Variants in LHFPL6 observed in about 807,000 individuals in gnomAD.
LHFPL6 encodes LHFPL tetraspan subfamily member 6 protein.
A neutral mutation model predicts 20.6 loss-of-function variants in LHFPL6; 9 were observed. That is an observed-to-expected ratio of 0.44 (90% CI 0.26 to 0.76). The LOEUF (loss-of-function observed/expected upper bound fraction) is 0.76, where lower values mean the gene tolerates loss of function less well. Ranked by LOEUF, LHFPL6 falls within the 30% of genes least tolerant of loss-of-function variation. The pLI is 0.20. For synonymous variants in LHFPL6, 105 were observed against 98.7 expected (o/e 1.06, Z -0.38); for missense variants, 218 against 253.5 (o/e 0.86, Z 0.95).
chr13:39,468,827 G>T (rs756948571), intron 2 of LHFPL6, among the ~76,000 whole-genome samples: 11 of 151,786 alleles, frequency 7.2e-5, no homozygotes, highest in Non-Finnish European at 1.5e-4. Context: ...GGGAATTAAG[G>T]TTATGGTCAG....
At chr13:39,467,327 G>C (rs1211276533) in intron 2 of LHFPL6, among the ~76,000 whole-genome samples, 1 of 152,106 alleles carries the variant, frequency 6.6e-6, no homozygotes, top group Non-Finnish European at 1.5e-5. Flanking sequence ...GTGAATGAAT[G>C]AATCAATCTC....
At chr13:39,486,784 G>A (rs1299970781) in intron 2 of LHFPL6, among the ~76,000 whole-genome samples, 1 of 152,238 alleles carries the variant, frequency 6.6e-6, no homozygotes, top group Non-Finnish European at 1.5e-5. Flanking sequence ...AAGAAAAACA[G>A]TGTAGTTCCT....
At chr13:39,465,863 G>A (rs541956847) in intron 2 of LHFPL6, among the ~76,000 whole-genome samples, 3 of 152,166 alleles carry the variant, frequency 2.0e-5, no homozygotes, top group African/African-American at 7.2e-5. Context: ...GAGTCTAGCA[G>A]CAGCTAGCAA....
At chr13:39,513,940 A>G (rs1869813005) in intron 2 of LHFPL6, among the ~76,000 whole-genome samples, 1 of 152,148 alleles carries the variant, frequency 6.6e-6, no homozygotes, top group African/African-American at 2.4e-5. Context: ...CCAGTCAAAA[A>G]AATTGATGAG....
intron 2 of LHFPL6, among the ~76,000 whole-genome samples, chr13:39,546,189 A>G (rs17060216): frequency 0.03 from 4,616 of 152,204 alleles, 203 homozygotes; most frequent in African/African-American, 0.089. Flanking sequence ...GAGATTAGAT[A>G]TAAGAAATTT....
chr13:39,365,006 C>T (rs1869974204), intron 3 of LHFPL6, among the ~76,000 whole-genome samples: 1 of 152,176 alleles, frequency 6.6e-6, no homozygotes, highest in African/African-American at 2.4e-5. Context: ...GACACAGAAT[C>T]TGATCTCCAG....
intron 2 of LHFPL6, among the ~76,000 whole-genome samples, chr13:39,507,806 T>C (rs532182516): frequency 1.3e-5 from 2 of 152,134 alleles, no homozygotes; most frequent in East Asian, 3.9e-4. Flanking sequence ...GGCTATGCAG[T>C]TTATCCACAG....
At chr13:39,476,422 C>T (rs561387336) in intron 2 of LHFPL6, among the ~76,000 whole-genome samples, 1 of 152,258 alleles carries the variant, frequency 6.6e-6, no homozygotes, top group East Asian at 1.9e-4. Context: ...AATTAAATTA[C>T]ACAGATACTA....
rs566882215 is a variant in LHFPL6, at chr13:39,410,101, T to C, written c.386-31575A>G. 1.8e-3 allele frequency among the ~76,000 whole-genome samples: 279 copies of C among 152,306 alleles called. 2 individuals are homozygous for C. Among genetic ancestry groups the C allele is most frequent in the African/African-American group, 6.5e-3 (271 of 41,562 alleles). On this transcript the variant is annotated intron_variant, in intron 2 of 3. Transcript: ENST00000379589. ...CTCATTTGTAAATCATGTGTTAAAA[T>C]TGTCTACCTACCTTCATTATACATC... is the stretch of plus-strand genomic sequence containing the variant.
At chr13:39,505,923 A>G (rs1869461815) in intron 2 of LHFPL6, among the ~76,000 whole-genome samples, 1 of 152,182 alleles carries the variant, frequency 6.6e-6, no homozygotes, top group South Asian at 2.1e-4. Context: ...GCCACAGAGG[A>G]GCTATCAATA....
At chr13:39,527,187 T>C (rs1870316619) in intron 2 of LHFPL6, among the ~76,000 whole-genome samples, 1 of 152,210 alleles carries the variant, frequency 6.6e-6, no homozygotes, top group African/African-American at 2.4e-5. Flanking sequence ...TGTCCAGTCA[T>C]AAAGATTTCT....
intron 2 of LHFPL6, among the ~76,000 whole-genome samples, chr13:39,522,025 C>T (rs1365136624): frequency 6.6e-6 from 1 of 152,168 alleles, no homozygotes. Flanking sequence ...CACCCCAAAC[C>T]CCTAGTACAC....
intron 2 of LHFPL6, among the ~76,000 whole-genome samples, chr13:39,493,307 A>G (rs1231552868): frequency 4.2e-5 from 2 of 47,596 alleles, no homozygotes; most frequent in South Asian, 1.6e-3. Flanking sequence ...CATCTCTACT[A>G]AAAAAAAAAA....
chr13:39,529,490 G>C (rs1225745528), intron 2 of LHFPL6, among the ~76,000 whole-genome samples: 1 of 152,160 alleles, frequency 6.6e-6, no homozygotes, highest in African/African-American at 2.4e-5. Context: ...CAAAGTCCTA[G>C]GCAGGGGATA....
intron 2 of LHFPL6, among the ~76,000 whole-genome samples, chr13:39,434,518 A>C (rs941547852): frequency 3.5e-4 from 53 of 152,164 alleles, no homozygotes; most frequent in African/African-American, 1.2e-3. Flanking sequence ...AAATATGTCA[A>C]TCATTTTGGT....
chr13:39,392,866 A>G (rs1255953936), intron 2 of LHFPL6, among the ~76,000 whole-genome samples: 2 of 151,998 alleles, frequency 1.3e-5, no homozygotes, highest in African/African-American at 2.4e-5. Flanking sequence ...GGCCCTCTGT[A>G]TCCATGAGTT....
intron 3 of LHFPL6, among the ~76,000 whole-genome samples, chr13:39,376,227 A>T (rs1870291140): frequency 6.6e-6 from 1 of 152,208 alleles, no homozygotes; most frequent in Non-Finnish European, 1.5e-5. Flanking sequence ...TGTGTTGAAC[A>T]GCCAAGAATG....
chr13:39,521,420 A>C (rs1393928078), intron 2 of LHFPL6, among the ~76,000 whole-genome samples: 2 of 152,198 alleles, frequency 1.3e-5, no homozygotes, highest in Non-Finnish European at 2.9e-5. Flanking sequence ...TTACATGTAC[A>C]TTTCATGTGC....
At chr13:39,511,861 T>C (rs1187262184) in intron 2 of LHFPL6, among the ~76,000 whole-genome samples, 1 of 152,230 alleles carries the variant, frequency 6.6e-6, no homozygotes, top group Admixed American at 6.5e-5. Context: ...AGAAATGCTC[T>C]TGATAATAAT....
Sources: gnomAD v4.1 joint callset for allele counts (sites outside exome capture counted in the v4.1 genomes callset) on GRCh38, gnomAD v4.1.1 for gene constraint, MANE v1.5 for transcripts, NCBI Gene and HGNC (gene_info 2026-07-23, HGNC 2026-07-21) for gene names.